GDA: variants seen among roughly 807,000 people sequenced by gnomAD.
The protein encoded by GDA is cytoplasmic PSD-95 interactor.
GDA carries 18 observed loss-of-function variants against 59.6 expected under a neutral mutation model. The observed-to-expected ratio is 0.30, with a 90% CI of 0.21 to 0.45. The LOEUF is 0.45. Ranked by LOEUF, GDA falls within the 20% of genes least tolerant of loss-of-function variation. GDA has a pLI of 1.00. For synonymous variants in GDA, 201 were observed against 201.1 expected (o/e 1.00, Z 0.00); for missense variants, 427 against 552.3 (o/e 0.77, Z 2.27).
intron 2 of GDA, among the ~76,000 whole-genome samples, chr9:72,202,142 C>T (rs1390533852): frequency 6.6e-6 from 1 of 152,162 alleles, no homozygotes; most frequent in East Asian, 1.9e-4. Flanking sequence ...CTTTAGTTGC[C>T]CTTAGTGACT....
intron 1 of GDA, among the ~76,000 whole-genome samples, chr9:72,167,651 C>T (rs1829481282): frequency 6.6e-6 from 1 of 152,150 alleles, no homozygotes. Flanking sequence ...TCAGAATGTA[C>T]AGGTCTAACT....
chr9:72,222,561 A>G (rs1837025532), intron 6 of GDA, among the ~76,000 whole-genome samples: 1 of 152,132 alleles, frequency 6.6e-6, no homozygotes, highest in Non-Finnish European at 1.5e-5. Flanking sequence ...GAAGCTCTTT[A>G]GTTTAATTAC....
intron 1 of GDA, among the ~76,000 whole-genome samples, chr9:72,192,831 G>C (rs1013845602): frequency 3.3e-5 from 5 of 151,968 alleles, no homozygotes; most frequent in Admixed American, 3.3e-4. Flanking sequence ...AGTGAGCCGA[G>C]ATGGTGCCAC....
At position 72,249,278 on chromosome 9, in the gene GDA, A is replaced by C; in HGVS notation, c.*936A>C. 1 of 985,410 alleles carries C rather than the reference A, an allele frequency of 1.0e-6. No individual in the cohort carries two copies. The highest frequency in any genetic ancestry group is 6.1e-5 in the Admixed American group (1 of 16,276). 61.0% of individuals were successfully genotyped at this position (985,410 alleles called of 1,614,324 possible). On this transcript the variant is annotated 3_prime_UTR_variant, in exon 14 of 14. Coordinates refer to ENST00000358399, the MANE Select transcript of GDA (RefSeq NM_004293.5). ...CGCCAATACTAACAGGACAGGTTCC[A>C]TTGCCATGGCCTATTCCACCCAAAC...
At chr9:72,120,191 C>CTTT (rs202118778) in intron 1 of GDA, among the ~76,000 whole-genome samples, 9,839 of 145,190 alleles carry the variant, frequency 0.068, 415 homozygotes, top group Non-Finnish European at 0.081. Flanking sequence ...ATGCAGCATT[C>CTTT]TTTTTTTTTT....
At chr9:72,122,022 C>G (rs958721288) in intron 1 of GDA, among the ~76,000 whole-genome samples, 1 of 152,060 alleles carries the variant, frequency 6.6e-6, no homozygotes, top group African/African-American at 2.4e-5. Flanking sequence ...CTGTCTACCC[C>G]TTATGTGTTG....
At chr9:72,256,919 T>C (rs1840893720), downstream of GDA, 1 of 152,264 alleles carries the variant, frequency 6.6e-6, no homozygotes, top group Non-Finnish European at 1.5e-5. Flanking sequence ...GCTCACTGAG[T>C]GCAGAAACTG....
intron 1 of GDA, among the ~76,000 whole-genome samples, chr9:72,131,269 A>G (rs933681311): frequency 1.3e-5 from 2 of 152,220 alleles, no homozygotes; most frequent in Non-Finnish European, 2.9e-5. Context: ...TAGGTCTGCT[A>G]TGCCAAAAGC....
intron 1 of GDA, among the ~76,000 whole-genome samples, chr9:72,152,474 T>C (rs1827333837): frequency 6.6e-6 from 1 of 152,252 alleles, no homozygotes; most frequent in South Asian, 2.1e-4. Context: ...ACTCTAATGA[T>C]TGCCATTCTA....
intron 9 of GDA, chr9:72,229,171 TAAAAAAAAAAAAA>T (rs34554102): frequency 2.4e-5 from 1 of 42,104 alleles, no homozygotes; most frequent in African/African-American, 1.0e-4. Flanking sequence ...CAGTCTCTAC[TAAAAAAAAAAAAA>T]AAAAAAAAAA....
At chr9:72,142,975 G>T (rs1479146566) in intron 1 of GDA, among the ~76,000 whole-genome samples, 2 of 151,496 alleles carry the variant, frequency 1.3e-5, no homozygotes, top group Non-Finnish European at 2.9e-5. Flanking sequence ...CTCCATGTTG[G>T]TCAGGCTGGT....
At chr9:72,161,196 C>T (rs1285119036) in intron 1 of GDA, among the ~76,000 whole-genome samples, 2 of 152,136 alleles carry the variant, frequency 1.3e-5, no homozygotes, top group Non-Finnish European at 2.9e-5. Flanking sequence ...GCGTGAGCCA[C>T]CGCCCCGGCC....
chr9:72,222,333 T>C (rs1473363547), intron 6 of GDA, among the ~76,000 whole-genome samples: 1 of 152,242 alleles, frequency 6.6e-6, no homozygotes, highest in Non-Finnish European at 1.5e-5. Flanking sequence ...TTTTTTTTCA[T>C]GTGATTGTTG....
At chr9:72,171,324 C>A (rs1195594819) in intron 1 of GDA, among the ~76,000 whole-genome samples, 1 of 152,094 alleles carries the variant, frequency 6.6e-6, no homozygotes, top group Non-Finnish European at 1.5e-5. Context: ...TTGCTTATTC[C>A]ATTTTATGAT....
At chr9:72,188,271 T>C (rs995868679) in intron 1 of GDA, among the ~76,000 whole-genome samples, 1 of 152,156 alleles carries the variant, frequency 6.6e-6, no homozygotes, top group African/African-American at 2.4e-5. Flanking sequence ...TCAGAGATCT[T>C]TGAGGCTGCC....
intron 5 of GDA, among the ~76,000 whole-genome samples, chr9:72,216,154 C>T (rs1836083257): frequency 6.6e-6 from 1 of 152,214 alleles, no homozygotes; most frequent in Admixed American, 6.5e-5. Flanking sequence ...CCCCACATCA[C>T]ATCATAGCTG....
At chr9:72,212,479 C>T (rs556358649) in intron 4 of GDA, among the ~76,000 whole-genome samples, 1 of 150,760 alleles carries the variant, frequency 6.6e-6, no homozygotes, top group South Asian at 2.1e-4. Context: ...GAGACGCCAC[C>T]TTAAAAAAAA....
intron 1 of GDA, among the ~76,000 whole-genome samples, chr9:72,173,230 C>A (rs1043093735): frequency 6.6e-6 from 1 of 152,164 alleles, no homozygotes; most frequent in Non-Finnish European, 1.5e-5. Context: ...TCCTTTTATG[C>A]TGAGTTCCAG....
chr9:72,149,324 C>T, upstream of GDA: 1 of 539,180 alleles, frequency 1.9e-6, no homozygotes, highest in Non-Finnish European at 3.3e-6. Flanking sequence ...GACCACACCC[C>T]ACGGGAGCGC....
Sources: allele counts gnomAD v4.1 joint callset (sites outside exome capture counted in the v4.1 genomes callset), GRCh38; gene constraint gnomAD v4.1.1; transcripts MANE v1.5; gene names NCBI Gene and HGNC (gene_info 2026-07-23, HGNC 2026-07-21).